CSNK1G3: variants seen among roughly 807,000 people sequenced by gnomAD.
CSNK1G3 encodes casein kinase I isoform gamma-3.
Under a neutral mutation model 64.3 loss-of-function variants are expected in CSNK1G3, and 23 were observed. The ratio of observed to expected loss-of-function variants is 0.36; its 90% CI spans 0.26 to 0.51. The LOEUF is 0.51. Ranked by LOEUF, CSNK1G3 falls within the 20% of genes least tolerant of loss-of-function variation. CSNK1G3 has a pLI of 0.96. For missense variants in CSNK1G3, 357 were observed against 510.5 expected, an observed-to-expected ratio of 0.70 and a Z score of 2.90; for synonymous variants, 158 against 162.2, an observed-to-expected ratio of 0.97 and a Z score of 0.20.
exon 13 of CSNK1G3, chr5:123,614,439 TCTG>T (rs1339746044): frequency 6.4e-7 from 1 of 1,566,212 alleles, no homozygotes; most frequent in Non-Finnish European, 8.7e-7. Flanking sequence ...TACATGTTCA[TCTG>T]CTGTCTTGTG....
At chr5:123,570,346 CT>C (rs370362447) in intron 4 of CSNK1G3, among the ~76,000 whole-genome samples, 27,105 of 130,374 alleles carry the variant, frequency 0.21, 1,124 homozygotes, top group African/African-American at 0.26. Context: ...ACAGTCCTTT[CT>C]TTTTTTTTTT....
chr5:123,529,917 G>C (rs1219150955), intron 1 of CSNK1G3, among the ~76,000 whole-genome samples: 1 of 152,028 alleles, frequency 6.6e-6, no homozygotes, highest in East Asian at 1.9e-4. Context: ...CAGGCAGATT[G>C]CATGAGCTCA....
At chr5:123,530,465 C>T (rs1779746125) in intron 1 of CSNK1G3, among the ~76,000 whole-genome samples, 1 of 152,106 alleles carries the variant, frequency 6.6e-6, no homozygotes, top group Non-Finnish European at 1.5e-5. Context: ...ATTACTGACC[C>T]AATGATACAT....
At chr5:123,615,985 A>G (rs986679247) in exon 13 of CSNK1G3, 3 of 152,162 alleles carry the variant, frequency 2.0e-5, no homozygotes, top group Non-Finnish European at 2.9e-5. Context: ...TTATTAGCCA[A>G]AAGTTTAATG....
At chr5:123,545,997 A>G in intron 2 of CSNK1G3, 156 bp downstream of exon 2, 1 of 685,214 alleles carries the variant, frequency 1.5e-6, no homozygotes, top group Non-Finnish European at 2.4e-6. Context: ...TTGTAGTTGT[A>G]TTTTCATGTG....
chr5:123,537,221 T>C (rs1486306663), intron 1 of CSNK1G3, among the ~76,000 whole-genome samples: 1 of 152,088 alleles, frequency 6.6e-6, no homozygotes, highest in East Asian at 1.9e-4. Context: ...GTAAAGAAAA[T>C]GTAGTATATA....
chr5:123,614,508 C>A, exon 13 of CSNK1G3: 1 of 785,972 alleles, frequency 1.3e-6, no homozygotes, highest in Non-Finnish European at 1.9e-6. Context: ...CTCTTAGAAA[C>A]AAAAATGTCA....
At chr5:123,523,307 TATG>T (rs1388375896) in intron 1 of CSNK1G3, among the ~76,000 whole-genome samples, 2 of 152,160 alleles carry the variant, frequency 1.3e-5, no homozygotes, top group African/African-American at 4.8e-5. Context: ...ATAAATACAC[TATG>T]ATAATAGGGT....
At chr5:123,542,659 A>G (rs1326330413) in intron 1 of CSNK1G3, among the ~76,000 whole-genome samples, 1 of 152,198 alleles carries the variant, frequency 6.6e-6, no homozygotes, top group African/African-American at 2.4e-5. Context: ...AAAGAGGGGA[A>G]AAATAATTCT....
intron 4 of CSNK1G3, among the ~76,000 whole-genome samples, chr5:123,567,300 T>C (rs1787102581): frequency 6.6e-6 from 1 of 152,238 alleles, no homozygotes; most frequent in South Asian, 2.1e-4. Flanking sequence ...AGTGACTCAT[T>C]AGAAATATTT....
At chr5:123,539,773 A>G (rs898311221) in intron 1 of CSNK1G3, among the ~76,000 whole-genome samples, 3 of 152,312 alleles carry the variant, frequency 2.0e-5, no homozygotes, top group African/African-American at 7.2e-5. Context: ...AAAATTTGCC[A>G]GTGAAATCAT....
intron 6 of CSNK1G3, among the ~76,000 whole-genome samples, chr5:123,586,118 C>T (rs527410727): frequency 5.3e-5 from 8 of 152,230 alleles, no homozygotes; most frequent in Admixed American, 2.6e-4. Context: ...TATGGTTGCA[C>T]GTAACAACAT....
chr5:123,526,840 TTGTGTGTGTGTGTGTG>T (rs34275675), intron 1 of CSNK1G3, among the ~76,000 whole-genome samples: 10 of 126,678 alleles, frequency 7.9e-5, no homozygotes, highest in African/African-American at 2.8e-4. Context: ...CATGTACAGA[TTGTGTGTGTGTGTGTG>T]TGTGTGTGTG....
At chr5:123,585,469 A>G (rs1288242322) in intron 6 of CSNK1G3, among the ~76,000 whole-genome samples, 1 of 152,164 alleles carries the variant, frequency 6.6e-6, no homozygotes, top group Non-Finnish European at 1.5e-5. Flanking sequence ...CCCCTGATAA[A>G]TTGGACTTCA....
chr5:123,557,566 TAA>T lies in CSNK1G3; in HGVS notation c.289+4_289+5del, dbSNP rs761623683. The T allele has an allele frequency of 1.3e-6, 2 of 1,557,700 alleles. No homozygotes were observed. Among genetic ancestry groups the T allele is most frequent in the African/African-American group, 2.7e-5 (2 of 72,798 alleles). On this transcript the variant is annotated splice_donor_region_variant and intron_variant, in intron 4 of 12. Transcript: ENST00000345990. Reference sequence around the variant, plus strand: ...TCTATAAGCAGTTAGGATCTGGAGGTAAAGTCTTATATTAATTTTTAAATTTG... The same window carrying T: ...TCTATAAGCAGTTAGGATCTGGAGGTAGTCTTATATTAATTTTTAAATTTG...
At chr5:123,616,153 A>G (rs1223081402) in exon 13 of CSNK1G3, 3 of 148,600 alleles carry the variant, frequency 2.0e-5, no homozygotes, top group South Asian at 2.1e-4. Flanking sequence ...AACAGTTTCT[A>G]TCTATCTGTA....
chr5:123,553,049 T>C (rs1217774141), intron 2 of CSNK1G3, 58 bp from the exon 3 acceptor site: 2 of 952,528 alleles, frequency 2.1e-6, no homozygotes, highest in Non-Finnish European at 3.1e-6. Flanking sequence ...TACAGTTTTA[T>C]ATAATGTATC....
At chr5:123,546,513 C>CA (rs1782543497) in intron 2 of CSNK1G3, among the ~76,000 whole-genome samples, 1 of 152,108 alleles carries the variant, frequency 6.6e-6, no homozygotes, top group African/African-American at 2.4e-5. Context: ...AGCTCAGGAT[C>CA]AAAATCTAGG....
rs1334956979 is a variant in CSNK1G3, at chr5:123,545,858, T to A, written c.178+17T>A. On this transcript the variant is annotated intron_variant, in intron 2 of 12. Coordinates refer to ENST00000345990, the Ensembl canonical transcript of CSNK1G3. ...TACGATTAGGTAAGACTATTTTGTT[T>A]ATTCCATTATGTTAGAAACATTTTA... is the stretch of plus-strand genomic sequence containing the variant. The A allele has an allele frequency of 6.3e-7, 1 of 1,589,600 alleles. No homozygotes were observed. The highest frequency in any genetic ancestry group is 8.6e-7 in the Non-Finnish European group (1 of 1,159,076).
Sources: allele counts gnomAD v4.1 joint callset (sites outside exome capture counted in the v4.1 genomes callset), GRCh38; gene constraint gnomAD v4.1.1; transcripts MANE v1.5; gene names NCBI Gene and HGNC (gene_info 2026-07-23, HGNC 2026-07-21).